Variants in DOCK1 observed in about 807,000 individuals in gnomAD.
DOCK1 encodes the protein dedicator of cytokinesis protein 1.
In DOCK1, 138 loss-of-function variants were observed where a neutral mutation model predicts 262.7. That is an observed-to-expected ratio of 0.53 (90% CI 0.46 to 0.61). The LOEUF is 0.61. Ranked by LOEUF, DOCK1 falls within the 20% of genes least tolerant of loss-of-function variation. DOCK1 has a pLI of 0.00. For missense variants in DOCK1, 1,908 were observed against 2,370.7 expected (o/e 0.80, Z 4.05); for synonymous variants, 866 against 867.4 (o/e 1.00, Z 0.03).
At chr10:126,963,654 C>T (rs1331613423) in intron 1 of DOCK1, among the ~76,000 whole-genome samples, 4 of 119,812 alleles carry the variant, frequency 3.3e-5, no homozygotes, top group Admixed American at 9.1e-5. Context: ...TTCCTTCCTT[C>T]CTTCCTTCCT....
chr10:126,925,478 G>T (rs2033623348), intron 1 of DOCK1, among the ~76,000 whole-genome samples: 1 of 152,148 alleles, frequency 6.6e-6, no homozygotes, highest in Non-Finnish European at 1.5e-5. Flanking sequence ...CTGCCTCTCG[G>T]GTTCAAGCAA....
At chr10:127,070,834 A>G (rs905444881) in intron 23 of DOCK1, among the ~76,000 whole-genome samples, 4 of 151,858 alleles carry the variant, frequency 2.6e-5, no homozygotes, top group Non-Finnish European at 5.9e-5. Flanking sequence ...AGCTGATGCT[A>G]AGGTTGTGGG....
intron 31 of DOCK1, among the ~76,000 whole-genome samples, chr10:127,353,894 C>T (rs1347642226): frequency 6.6e-6 from 1 of 152,180 alleles, no homozygotes; most frequent in African/African-American, 2.4e-5. Context: ...GTAATCAGTG[C>T]TTTCCTTCTC....
chr10:127,049,919 A>G (rs1043075697), intron 21 of DOCK1, among the ~76,000 whole-genome samples: 4 of 148,276 alleles, frequency 2.7e-5, no homozygotes, highest in African/African-American at 9.9e-5. Context: ...TAGACCTTCG[A>G]TTTTGTAACT....
At position 127,250,338 on chromosome 10, in the gene DOCK1, G is replaced by A. The variant is rs540258186; in HGVS notation, c.2949+2229G>A. ...TGCCGAATGGCATTTAAAAATTACT[G>A]TAGCTTGCTGAATTCCAAGTGTGTG... On this transcript the variant is annotated intron_variant, in intron 28 of 51. Coordinates refer to ENST00000623213, the MANE Select transcript of DOCK1 (RefSeq NM_001290223.2). Among the ~76,000 whole-genome samples the A allele has an allele frequency of 2.4e-4, 36 of 152,306 alleles. 1 individual carries two copies. In the South Asian group the frequency reaches 7.0e-3, roughly 30 times the overall value.
intron 27 of DOCK1, among the ~76,000 whole-genome samples, chr10:127,246,767 CTG>C (rs1246139332): frequency 1.3e-5 from 2 of 152,192 alleles, no homozygotes. Flanking sequence ...TAACATTTCA[CTG>C]TAAAGCCTGT....
chr10:127,240,729 G>A (rs1430280006), intron 27 of DOCK1, among the ~76,000 whole-genome samples: 2 of 151,928 alleles, frequency 1.3e-5, no homozygotes, highest in East Asian at 3.9e-4. Flanking sequence ...ATCTTAAAAG[G>A]ATTTTGAGGT....
chr10:127,052,907 T>G, intron 22 of DOCK1, 92 bp downstream of exon 22: 4 of 1,506,348 alleles, frequency 2.7e-6, no homozygotes, highest in Non-Finnish European at 3.6e-6. Context: ...CCCCTTATTC[T>G]TTCCTTTCTT....
At chr10:127,362,907 C>T (rs1344169373) in intron 33 of DOCK1, among the ~76,000 whole-genome samples, 2 of 50,638 alleles carry the variant, frequency 3.9e-5, no homozygotes, top group East Asian at 6.9e-4. Flanking sequence ...ACATGTACAT[C>T]TCCACACACA....
intron 22 of DOCK1, among the ~76,000 whole-genome samples, chr10:127,055,852 G>C (rs943804713): frequency 1.3e-5 from 2 of 152,114 alleles, no homozygotes; most frequent in African/African-American, 2.4e-5. Context: ...GCTGCTCCTC[G>C]TGTTTGGGAC....
rs1251784712 is a variant in DOCK1 at position 127,403,048 on chromosome 10, C to A, written c.3928-7C>A. On this transcript the variant is annotated splice_region_variant and splice_polypyrimidine_tract_variant and intron_variant, in intron 38 of 51. Transcript: ENST00000623213. ...CTTCTCTTTCTTTTCTTTATTTTAA[C>A]TCACAGATGTGGGAGGAGGCCATTG... 1 of 1,606,188 alleles carries A rather than the reference C, an allele frequency of 6.2e-7. No individual in the cohort carries two copies. Among genetic ancestry groups the A allele is most frequent in the Non-Finnish European group, 8.5e-7 (1 of 1,176,878 alleles).
At chr10:126,929,205 G>T (rs1295598105) in intron 1 of DOCK1, among the ~76,000 whole-genome samples, 1 of 152,212 alleles carries the variant, frequency 6.6e-6, no homozygotes, top group Non-Finnish European at 1.5e-5. Context: ...TTTGCAGTTG[G>T]ACTGATCTGG....
chr10:127,384,949 C>T (rs891133541), intron 38 of DOCK1, 40 bp downstream of exon 38: 11 of 1,537,222 alleles, frequency 7.2e-6, no homozygotes, highest in Non-Finnish European at 9.6e-6. Flanking sequence ...TTCCTCTTTC[C>T]ATGCACCTAC....
At chr10:127,087,818 T>A (rs2047284698) in intron 23 of DOCK1, among the ~76,000 whole-genome samples, 1 of 152,210 alleles carries the variant, frequency 6.6e-6, no homozygotes, top group African/African-American at 2.4e-5. Flanking sequence ...CAAATACACA[T>A]CTTGGAATTA....
At position 127,452,114 on chromosome 10, in the gene DOCK1, A is replaced by G. The variant is rs1343204911; in HGVS notation, c.*687A>G. 1 of 152,710 alleles carries G rather than the reference A, an allele frequency of 6.5e-6. No individual in the cohort carries two copies. Among genetic ancestry groups the G allele is most frequent in the Admixed American group, 6.5e-5 (1 of 15,290 alleles). The allele number at this position is 152,710 out of a possible 1,614,324, so 9.5% of individuals were successfully genotyped here. A position where few individuals can be genotyped will look rare whatever the true frequency, so the allele number is the denominator to read the frequency against. On this transcript the variant is annotated 3_prime_UTR_variant, in exon 52 of 52. Transcript: ENST00000623213. Reference sequence around the variant, plus strand: ...GATAAGTGTTCGTTCTTTTCTGAAAAAGAGTATGTGTACCACAAGAGCTGG... The same window carrying G: ...GATAAGTGTTCGTTCTTTTCTGAAAGAGAGTATGTGTACCACAAGAGCTGG...
chr10:127,234,688 C>G (rs933348537), intron 27 of DOCK1, among the ~76,000 whole-genome samples: 20 of 151,906 alleles, frequency 1.3e-4, no homozygotes, highest in African/African-American at 4.4e-4. Context: ...GGCAGGAATA[C>G]TCAAGAAAAA....
chr10:127,170,345 C>G (rs1186118332), intron 27 of DOCK1, among the ~76,000 whole-genome samples: 1 of 152,198 alleles, frequency 6.6e-6, no homozygotes, highest in East Asian at 1.9e-4. Flanking sequence ...TCTCCCCCTA[C>G]CCCAAGCCTG....
At chr10:127,250,956 A>C (rs1380526496) in intron 28 of DOCK1, among the ~76,000 whole-genome samples, 8 of 151,950 alleles carry the variant, frequency 5.3e-5, no homozygotes, top group Non-Finnish European at 1.5e-5. Context: ...ACTGTTTTTC[A>C]ACTCTGACAA....
intron 27 of DOCK1, among the ~76,000 whole-genome samples, chr10:127,196,336 C>T (rs549446617): frequency 6.7e-6 from 1 of 148,854 alleles, no homozygotes; most frequent in South Asian, 2.1e-4. Context: ...CGCTTGCTCG[C>T]GACGCGGCGG....
Sources: gnomAD v4.1 joint callset for allele counts (sites outside exome capture counted in the v4.1 genomes callset) on GRCh38, gnomAD v4.1.1 for gene constraint, MANE v1.5 for transcripts, NCBI Gene and HGNC (gene_info 2026-07-23, HGNC 2026-07-21) for gene names.